The following ARID1B variants were observed in gnomAD, a reference collection of about 807,000 sequenced individuals.
ARID1B encodes AT-rich interactive domain-containing protein 1B.
A neutral mutation model predicts 212.3 loss-of-function variants in ARID1B; 30 were observed. The observed-to-expected ratio is 0.14, with a 90% confidence interval of 0.11 to 0.19. The LOEUF (loss-of-function observed/expected upper bound fraction) is 0.19. Among genes scored for constraint, ARID1B ranks in the 10% least tolerant of loss-of-function variants. ARID1B has a pLI of 1.00. For synonymous variants in ARID1B, 1,402 were observed against 1,301.7 expected (o/e 1.08, Z -1.66); for missense variants, 2,891 against 3,204.0 (o/e 0.90, Z 2.36).
chr6:156,820,741 A>C (rs1371945703), intron 1 of ARID1B, among the ~76,000 whole-genome samples: 1 of 152,156 alleles, frequency 6.6e-6, no homozygotes, highest in Non-Finnish European at 1.5e-5. Context: ...TCCCCAAATT[A>C]TGTTTCTAAA....
chr6:156,966,733 G>A (rs1475065146), intron 4 of ARID1B, among the ~76,000 whole-genome samples: 4 of 139,922 alleles, frequency 2.9e-5, no homozygotes, highest in African/African-American at 5.4e-5. Context: ...ACGGAGTCTC[G>A]CTCTGTCGCT....
At chr6:156,891,541 A>T (rs1426081589) in intron 2 of ARID1B, among the ~76,000 whole-genome samples, 1 of 152,232 alleles carries the variant, frequency 6.6e-6, no homozygotes, top group Non-Finnish European at 1.5e-5. Context: ...AATTCTTTAT[A>T]CCTATACCAC....
rs894622554 is a variant in ARID1B at position 157,025,149 on chromosome 6, G to A, written c.2248-59513G>A. Among the ~76,000 whole-genome samples the A allele has an allele frequency of 2.8e-4, 43 of 152,158 alleles. 1 individual carries two copies. Among genetic ancestry groups the A allele is most frequent in the Non-Finnish European group, 5.9e-5 (4 of 68,016 alleles). ...CTTTGACCTCCTCCATAAGAAAAAT[G>A]TAGCAATTCCCAAATTATGCAGAAA... is the stretch of plus-strand genomic sequence containing the variant. On this transcript the variant is annotated intron_variant, in intron 4 of 19. Transcript: ENST00000636930.
chr6:156,845,857 T>A (rs1454269611), intron 2 of ARID1B, among the ~76,000 whole-genome samples: 2 of 152,172 alleles, frequency 1.3e-5, no homozygotes, highest in Non-Finnish European at 2.9e-5. Flanking sequence ...AAGTCCTGGA[T>A]TAATTCTTTA....
At chr6:156,803,736 T>C (rs548015599) in intron 1 of ARID1B, among the ~76,000 whole-genome samples, 1 of 151,964 alleles carries the variant, frequency 6.6e-6, no homozygotes. Flanking sequence ...CCACATCCTG[T>C]CTTGGGTGGG....
At chr6:157,050,918 C>G (rs755795235) in intron 4 of ARID1B, among the ~76,000 whole-genome samples, 6 of 152,130 alleles carry the variant, frequency 3.9e-5, no homozygotes, top group Non-Finnish European at 8.8e-5. Flanking sequence ...ACATAGGAGG[C>G]CTAGAGAAGT....
rs141395733 is a variant in ARID1B, at chr6:156,901,436, T to C, written c.2047T>C (p.Tyr683His). 2.5e-6 allele frequency: 4 copies of C among 1,613,998 alleles called. No homozygotes were observed. The African/African-American group carries it at 5.3e-5, about 22-fold the overall frequency. ...TTACTGCCAGCAGGGCCAACAGCCA[T>C]ATTACAGCCAGCAGCCGCAGCCCCC... ...SGYCQQGQQP[Y>H]YSQQPQPPHL... The change falls in exon 3 of 20, where the codon TAT becomes CAT. Residue 683 changes from tyrosine (Y) to histidine (H), a missense_variant. Transcript: ENST00000636930.
chr6:157,021,055 C>T (rs1258874758), intron 4 of ARID1B, among the ~76,000 whole-genome samples: 9 of 143,086 alleles, frequency 6.3e-5, no homozygotes, highest in East Asian at 2.3e-4. Flanking sequence ...CGGATGCCTG[C>T]GCGGCGGCGG....
chr6:156,947,635 T>TA lies in ARID1B; in HGVS notation c.2247+12075dup, dbSNP rs11352269. Among the ~76,000 whole-genome samples, 911 of 141,538 alleles carry TA rather than the reference T, an allele frequency of 6.4e-3. 9 individuals are homozygous for TA. The highest frequency in any genetic ancestry group is 0.019 in the African/African-American group (720 of 38,860). 92.9% of individuals were successfully genotyped at this position (141,538 alleles called of 152,430 possible). On this transcript the variant is annotated intron_variant, in intron 4 of 19. Coordinates refer to ENST00000636930, the MANE Select transcript of ARID1B (RefSeq NM_001374828.1). ...TACTCTGAACTCTGAAGGGCTAATTTAAAAAAAAAAAAAAAATCAAGCCCC... is the reference window on the plus strand; with the variant it reads ...TACTCTGAACTCTGAAGGGCTAATTTAAAAAAAAAAAAAAAAATCAAGCCCC...
At chr6:157,164,208 A>C (rs1412289887) in intron 8 of ARID1B, among the ~76,000 whole-genome samples, 2 of 152,188 alleles carry the variant, frequency 1.3e-5, no homozygotes, top group East Asian at 1.9e-4. Flanking sequence ...TTTTTAACCA[A>C]ACTTTTAAAA....
At chr6:156,893,391 T>C (rs1328472064) in intron 2 of ARID1B, among the ~76,000 whole-genome samples, 1 of 152,188 alleles carries the variant, frequency 6.6e-6, no homozygotes, top group African/African-American at 2.4e-5. Context: ...TCCTTGGATA[T>C]GACACCAAAA....
chr6:157,021,448 C>T (rs935434132), intron 4 of ARID1B, among the ~76,000 whole-genome samples: 26 of 152,316 alleles, frequency 1.7e-4, no homozygotes, highest in African/African-American at 6.0e-4. Context: ...CACACAGCAG[C>T]CCGGCGGCCT....
At chr6:156,993,030 A>G (rs1349795227) in intron 4 of ARID1B, among the ~76,000 whole-genome samples, 3 of 150,196 alleles carry the variant, frequency 2.0e-5, no homozygotes, top group African/African-American at 7.4e-5. Flanking sequence ...CCATAATTGT[A>G]TATATATGCT....
At chr6:156,933,232 A>G (rs1409667588) in intron 3 of ARID1B, among the ~76,000 whole-genome samples, 3 of 151,616 alleles carry the variant, frequency 2.0e-5, no homozygotes, top group Non-Finnish European at 4.4e-5. Flanking sequence ...TCCTAGCTGA[A>G]GTTTACTTTA....
At chr6:156,908,150 C>T (rs1356833428) in intron 3 of ARID1B, among the ~76,000 whole-genome samples, 3 of 152,126 alleles carry the variant, frequency 2.0e-5, no homozygotes, top group Non-Finnish European at 2.9e-5. Flanking sequence ...ATCCTCCTAC[C>T]TTGGCCTCCC....
intron 4 of ARID1B, among the ~76,000 whole-genome samples, chr6:157,053,774 CTT>C (rs552260757): frequency 6.4e-4 from 97 of 152,236 alleles, no homozygotes; most frequent in African/African-American, 2.1e-3. Context: ...TGAAATTTTT[CTT>C]CTATGAAAGT....
chr6:157,167,424 C>G (rs1005990881), intron 9 of ARID1B: 3 of 373,974 alleles, frequency 8.0e-6, no homozygotes, highest in Non-Finnish European at 1.4e-5. Flanking sequence ...GGACATATTT[C>G]AAGTATTATT....
At chr6:156,939,498 T>C (rs1262227888) in intron 4 of ARID1B, 1 of 152,216 alleles carries the variant, frequency 6.6e-6, no homozygotes, top group East Asian at 1.9e-4. Context: ...ATTTATTATG[T>C]CCTATTCAGT....
intron 3 of ARID1B, among the ~76,000 whole-genome samples, chr6:156,926,015 G>A (rs1426019877): frequency 6.6e-6 from 1 of 152,198 alleles, no homozygotes; most frequent in Non-Finnish European, 1.5e-5. Flanking sequence ...AGTGAAGTTG[G>A]CATTTGAATT....
Sources: gnomAD v4.1 joint callset for allele counts (sites outside exome capture counted in the v4.1 genomes callset) on GRCh38, gnomAD v4.1.1 for gene constraint, MANE v1.5 for transcripts, NCBI Gene and HGNC (gene_info 2026-07-23, HGNC 2026-07-21) for gene names.